The following ROBO2 variants were observed in gnomAD, a reference collection of about 807,000 sequenced individuals.
ROBO2 encodes roundabout guidance receptor 2, also known as roundabout homolog 2.
ROBO2 carries 53 observed loss-of-function variants against 160.8 expected under a neutral mutation model. The observed-to-expected ratio is 0.33, with a 90% confidence interval of 0.26 to 0.41. The LOEUF (loss-of-function observed/expected upper bound fraction) is 0.41, where lower values mean the gene tolerates loss of function less well. ROBO2 is among the 10% of genes least tolerant of loss of function. The probability of loss-of-function intolerance (pLI) is 1.00; values close to 1 mark genes in which losing one functional copy is unlikely to be tolerated. For missense variants in ROBO2, 1,577 were observed against 1,722.4 expected (o/e 0.92, Z 1.49); for synonymous variants, 664 against 611.7 (o/e 1.09, Z -1.26).
At chr3:76,524,740 C>T (rs1409071887) in intron 2 of ROBO2, among the ~76,000 whole-genome samples, 1 of 136,294 alleles carries the variant, frequency 7.3e-6, no homozygotes, top group Non-Finnish European at 1.5e-5. Flanking sequence ...AATGTTGTTT[C>T]CCTCACTTTT....
At chr3:77,376,154 C>CTTTTTTTT (rs11425201) in intron 2 of ROBO2, among the ~76,000 whole-genome samples, 39 of 115,522 alleles carry the variant, frequency 3.4e-4, no homozygotes, top group African/African-American at 1.1e-3. Context: ...ATTTAACTTT[C>CTTTTTTTT]TTTTTTTTTT....
chr3:76,350,217 A>AT (rs908536513), intron 2 of ROBO2, among the ~76,000 whole-genome samples: 4 of 151,980 alleles, frequency 2.6e-5, no homozygotes, highest in Non-Finnish European at 4.4e-5. Context: ...GGGATTTTTC[A>AT]TTTTTTGTTT....
chr3:76,329,566 G>A (rs186485789), intron 2 of ROBO2, among the ~76,000 whole-genome samples: 2 of 152,220 alleles, frequency 1.3e-5, no homozygotes, highest in East Asian at 3.9e-4. Context: ...CTTCCGCTGG[G>A]GAATGAGTAG....
intron 2 of ROBO2, among the ~76,000 whole-genome samples, chr3:76,019,157 G>C (rs951511991): frequency 6.6e-6 from 1 of 151,552 alleles, no homozygotes; most frequent in Non-Finnish European, 1.5e-5. Context: ...TTTGCATTAT[G>C]GTCTCCCCAC....
At chr3:76,336,048 TTAAA>T (rs1346608136) in intron 2 of ROBO2, among the ~76,000 whole-genome samples, 14 of 152,192 alleles carry the variant, frequency 9.2e-5, no homozygotes, top group East Asian at 1.9e-4. Context: ...AAGTAGTGGC[TTAAA>T]TAAATAGATA....
At chr3:77,635,318 T>G (rs1381354715) in intron 24 of ROBO2, among the ~76,000 whole-genome samples, 4 of 152,238 alleles carry the variant, frequency 2.6e-5, no homozygotes, top group Non-Finnish European at 5.9e-5. Flanking sequence ...TAAATGCTTT[T>G]TAGTGAGCAT....
At chr3:76,684,617 G>A (rs1206686265) in intron 2 of ROBO2, among the ~76,000 whole-genome samples, 2 of 151,970 alleles carry the variant, frequency 1.3e-5, no homozygotes, top group African/African-American at 2.4e-5. Context: ...TAAAAATTCT[G>A]TCATAAAACA....
At chr3:77,466,763 C>T (rs1488289571) in intron 2 of ROBO2, among the ~76,000 whole-genome samples, 1 of 152,204 alleles carries the variant, frequency 6.6e-6, no homozygotes, top group African/African-American at 2.4e-5. Flanking sequence ...CTTTGAGACC[C>T]TGCCAATAGG....
chr3:76,717,334 A>C (rs1480136005), intron 2 of ROBO2, among the ~76,000 whole-genome samples: 1 of 152,072 alleles, frequency 6.6e-6, no homozygotes, highest in African/African-American at 2.4e-5. Context: ...TCAACTAAAA[A>C]TACAAAAATT....
chr3:77,051,065 C>T (rs1055161701), intron 1 of ROBO2, among the ~76,000 whole-genome samples: 12 of 151,646 alleles, frequency 7.9e-5, no homozygotes, highest in South Asian at 6.3e-4. Flanking sequence ...GCCCTGAACT[C>T]ACAAATCAAG....
At chr3:76,743,298 T>C (rs917265997) in intron 2 of ROBO2, among the ~76,000 whole-genome samples, 6 of 152,024 alleles carry the variant, frequency 3.9e-5, no homozygotes, top group Non-Finnish European at 7.4e-5. Context: ...CCTAAGGTAA[T>C]GGAGTCCTAG....
chr3:76,324,884 A>T (rs1016198757), intron 2 of ROBO2, among the ~76,000 whole-genome samples: 10 of 152,328 alleles, frequency 6.6e-5, no homozygotes, highest in African/African-American at 2.4e-4. Flanking sequence ...AGGCAGGCAG[A>T]TCACGAAGTC....
chr3:76,172,173 AT>A lies in ROBO2; in HGVS notation c.109+234578del, dbSNP rs553590535. Among the ~76,000 whole-genome samples the A allele has an allele frequency of 5.9e-5, 9 of 151,818 alleles. No homozygotes were observed. The South Asian group carries it at 1.9e-3, about 32-fold the overall frequency. ...TCCCTACAAAGGAGATGAACTCATC[AT>A]TTTTTTATGACTGTGTAAAAACCAA... On this transcript the variant is annotated intron_variant, in intron 2 of 26. Transcript: ENST00000487694.
At chr3:76,091,116 A>C (rs2069213432) in intron 2 of ROBO2, among the ~76,000 whole-genome samples, 1 of 152,148 alleles carries the variant, frequency 6.6e-6, no homozygotes. Context: ...TAAAATTGGA[A>C]ACTTTTGCTC....
At chr3:76,743,961 A>C (rs1449747735) in intron 2 of ROBO2, among the ~76,000 whole-genome samples, 1 of 152,150 alleles carries the variant, frequency 6.6e-6, no homozygotes, top group African/African-American at 2.4e-5. Context: ...TGTAATTAGG[A>C]AAATGCTAAT....
At chr3:76,499,847 A>C (rs1475396773) in intron 2 of ROBO2, among the ~76,000 whole-genome samples, 1 of 152,162 alleles carries the variant, frequency 6.6e-6, no homozygotes, top group Non-Finnish European at 1.5e-5. Context: ...TGCTTTACAG[A>C]CTATGAATTC....
chr3:76,500,078 A>C (rs2107629036), intron 2 of ROBO2, among the ~76,000 whole-genome samples: 1 of 152,280 alleles, frequency 6.6e-6, no homozygotes, highest in African/African-American at 2.4e-5. Context: ...GAGGTTTTAA[A>C]ACTTGGGGTG....
At chr3:76,228,360 G>T (rs1157508565) in intron 2 of ROBO2, among the ~76,000 whole-genome samples, 1 of 152,074 alleles carries the variant, frequency 6.6e-6, no homozygotes, top group East Asian at 1.9e-4. Flanking sequence ...TTCAGGTTCA[G>T]CCAGAAACTT....
At chr3:75,982,418 C>T (rs768829423) in intron 2 of ROBO2, among the ~76,000 whole-genome samples, 6 of 151,554 alleles carry the variant, frequency 4.0e-5, no homozygotes, top group Non-Finnish European at 7.4e-5. Flanking sequence ...CTTTTTTCCA[C>T]ATCCTTCTCA....
Sources: gnomAD v4.1 joint callset for allele counts (sites outside exome capture counted in the v4.1 genomes callset) on GRCh38, gnomAD v4.1.1 for gene constraint, MANE v1.5 for transcripts, NCBI Gene and HGNC (gene_info 2026-07-23, HGNC 2026-07-21) for gene names.